Variants in HGS observed in about 807,000 individuals in gnomAD.
HGS encodes the protein hepatocyte growth factor-regulated tyrosine kinase substrate, also known as human growth factor-regulated tyrosine kinase substrate.
Under a neutral mutation model 109.7 loss-of-function variants are expected in HGS, and 63 were observed. That is an observed-to-expected ratio of 0.57 (90% CI 0.47 to 0.71). The LOEUF (loss-of-function observed/expected upper bound fraction) is 0.71. Ranked by LOEUF, HGS falls within the 30% of genes least tolerant of loss-of-function variation. The probability of loss-of-function intolerance (pLI) is 0.00; values close to 1 mark genes in which losing one functional copy is unlikely to be tolerated. For synonymous variants in HGS, 546 were observed against 437.3 expected (o/e 1.25, Z -3.10); for missense variants, 995 against 1,068.3 (o/e 0.93, Z 0.96).
In HGS at chr17:81,691,194, T is replaced by C. The variant is rs372172322; in HGVS notation, c.538-253T>C. Reference sequence around the variant, plus strand: ...AAAGCTCTTGTTTTATCAGCAGAATTGATGTGTATTTTTTCCTTGCCCTTA... The same window carrying C: ...AAAGCTCTTGTTTTATCAGCAGAATCGATGTGTATTTTTTCCTTGCCCTTA... On this transcript the variant is annotated intron_variant, in intron 7 of 21. Coordinates refer to ENST00000329138, the MANE Select transcript of HGS (RefSeq NM_004712.5). This position sits in a 1 kb window ranked among gnomAD's most constrained non-coding sequence, Gnocchi z 5.3. 13 of 518,408 alleles carry C rather than the reference T, an allele frequency of 2.5e-5. No individual in the cohort carries two copies. The highest frequency in any genetic ancestry group is 1.0e-4 in the East Asian group (3 of 29,954). The allele number at this position is 518,408 out of a possible 1,614,324, so 32.1% of individuals were successfully genotyped here.
Position 81,693,798 on chromosome 17 carries a change from C to T in HGS, c.840+46C>T, listed in dbSNP as rs762363855. ...CGGCCTCAGGAGGGGCCCAGCTCCCCTGGATGTGCTGCGGTGGGGCCGGAG... is the reference window on the plus strand; with the variant it reads ...CGGCCTCAGGAGGGGCCCAGCTCCCTTGGATGTGCTGCGGTGGGGCCGGAG... On this transcript the variant is annotated intron_variant, in intron 10 of 21. Transcript: ENST00000329138. The T allele has an allele frequency of 7.8e-6, 12 of 1,547,800 alleles. No individual in the cohort carries two copies. In the South Asian group the frequency reaches 8.3e-5, roughly 11 times the overall value.
intron 20 of HGS, 89 bp from the exon 21 acceptor site, chr17:81,700,956 G>T: frequency 6.5e-7 from 1 of 1,527,880 alleles, no homozygotes; most frequent in South Asian, 1.1e-5. Flanking sequence ...TGCTCCCTGT[G>T]GTCACCTTTG....
chr17:81,688,319 G>A (rs2037012661), intron 4 of HGS, among the ~76,000 whole-genome samples: 3 of 152,324 alleles, frequency 2.0e-5, no homozygotes, highest in Admixed American at 1.3e-4. Context: ...GAGGGGCGTG[G>A]CCAGAGCCCC....
intron 8 of HGS, 106 bp from the exon 9 acceptor site, chr17:81,693,397 C>T: frequency 1.2e-6 from 1 of 817,772 alleles, no homozygotes; most frequent in Non-Finnish European, 2.1e-6. Context: ...ACTGTCCTCA[C>T]TCTGTGGGGA....
chr17:81,690,941 C>CGG (rs1363242812), intron 7 of HGS, 199 bp downstream of exon 7: 1 of 545,314 alleles, frequency 1.8e-6, no homozygotes, highest in Non-Finnish European at 3.2e-6. Flanking sequence ...CTGCCTGGGC[C>CGG]GGGCCCAGCC....
intron 21 of HGS, 83 bp from the exon 22 acceptor site, chr17:81,701,425 C>A (rs2144509350): frequency 7.2e-7 from 1 of 1,396,384 alleles, no homozygotes; most frequent in South Asian, 1.3e-5. Flanking sequence ...ACTTGTGGGT[C>A]TGTGGCTCTG....
At position 81,691,712 on chromosome 17, in the gene HGS, C is replaced by A; in HGVS notation, c.662+141C>A. 1 of 1,129,568 alleles carries A rather than the reference C, an allele frequency of 8.9e-7. No homozygotes were observed. The highest frequency in any genetic ancestry group is 1.4e-5 in the South Asian group (1 of 71,110). The allele number at this position is 1,129,568 out of a possible 1,614,324, so 70.0% of individuals were successfully genotyped here. Reference sequence around the variant, plus strand: ...CAGCAGCTGGAAGGTCAAGGGAAACCCAGGGTGGCCGCATGCCCTCGGACC... The same window carrying A: ...CAGCAGCTGGAAGGTCAAGGGAAACACAGGGTGGCCGCATGCCCTCGGACC... On this transcript the variant is annotated intron_variant, in intron 8 of 21. Transcript: ENST00000329138. This position sits in a 1 kb window ranked among gnomAD's most constrained non-coding sequence, Gnocchi z 5.3.
At chr17:81,697,223 C>T (rs1051741334) in intron 18 of HGS, 15 of 491,158 alleles carry the variant, frequency 3.1e-5, no homozygotes, top group Non-Finnish European at 3.9e-5. Context: ...CCCCTGAATG[C>T]GACAGCGAGC....
At position 81,695,921 on chromosome 17, in the gene HGS, G is replaced by A; in HGVS notation, c.1315G>A (p.Val439Met). The A allele has an allele frequency of 1.2e-6, 2 of 1,604,502 alleles. No individual in the cohort carries two copies. The highest frequency in any genetic ancestry group is 8.5e-7 in the Non-Finnish European group (1 of 1,174,136). The change falls in exon 15 of 22, where the codon GTG becomes ATG. Residue 439 changes from valine to methionine, a missense_variant. Coordinates refer to ENST00000329138, the MANE Select transcript of HGS (RefSeq NM_004712.5). ...RGRSITNDSAVLSLFQSINGM... is the reference protein window; with the variant it reads ...RGRSITNDSAMLSLFQSINGM... ...CCGCAGCATCACCAATGACTCGGCC[G>A]TGCTCTCACTCTTCCAGTCCATCAA...
At chr17:81,684,853 A>G in intron 1 of HGS, 1 of 973,038 alleles carries the variant, frequency 1.0e-6, no homozygotes, top group Non-Finnish European at 1.2e-6. Flanking sequence ...TTCCTTGCCA[A>G]GGGAACCAGC....
In HGS at chr17:81,695,238, C is replaced by T; in HGVS notation, c.1179+15C>T. ...CCTTTAGTGAGGTAAGCTGTGGCTC[C>T]CTCCACGGGCCAGGGCAAAACATGG... On this transcript the variant is annotated intron_variant, in intron 14 of 21. Coordinates refer to ENST00000329138, the MANE Select transcript of HGS (RefSeq NM_004712.5). 1 of 1,613,492 alleles carries T rather than the reference C, an allele frequency of 6.2e-7. No individual in the cohort carries two copies. Among genetic ancestry groups the T allele is most frequent in the Non-Finnish European group, 8.5e-7 (1 of 1,179,386 alleles).
At chr17:81,698,697 G>A (rs775378432) in intron 18 of HGS, among the ~76,000 whole-genome samples, 26 of 152,206 alleles carry the variant, frequency 1.7e-4, no homozygotes, top group African/African-American at 5.8e-4. Context: ...GAGCTGGAAA[G>A]TGTGTATGTG....
chr17:81,701,428 T>G lies in HGS; in HGVS notation c.2224-80T>G. The stretch of plus-strand genomic sequence containing the variant: ...TGGATTACAAGCACTTGTGGGTCTG[T>G]GGCTCTGCTGGGACAAAAGCCTTCC... On this transcript the variant is annotated intron_variant, in intron 21 of 21. Transcript: ENST00000329138. 3 of 1,418,456 alleles carry G rather than the reference T, an allele frequency of 2.1e-6. No homozygotes were observed. The South Asian group carries it at 3.8e-5, about 18-fold the overall frequency. 87.9% of individuals were successfully genotyped at this position (1,418,456 alleles called of 1,614,324 possible). A position where few individuals can be genotyped will look rare whatever the true frequency, so the allele number is the denominator to read the frequency against.
chr17:81,701,235 T>C, intron 21 of HGS, 104 bp downstream of exon 21: 1 of 1,073,786 alleles, frequency 9.3e-7, no homozygotes, highest in Non-Finnish European at 1.4e-6. Flanking sequence ...CCCGTACGTC[T>C]GCTCACAGGG....
intron 1 of HGS, 141 bp from the exon 2 acceptor site, chr17:81,685,464 G>C (rs959079865): frequency 3.5e-6 from 2 of 575,118 alleles, no homozygotes; most frequent in Non-Finnish European, 6.1e-6. Context: ...GCACGCTCAG[G>C]AGGATTCTGT....
chr17:81,700,633 GCCAGCC>G (rs142478779), intron 19 of HGS, 33 bp downstream of exon 19: 119,417 of 1,576,512 alleles, frequency 0.076, 5,375 homozygotes, highest in East Asian at 0.25. Context: ...TCCTTCCAGG[GCCAGCC>G]CCAGCCCCAG....
intron 5 of HGS, among the ~76,000 whole-genome samples, chr17:81,689,357 C>T (rs933015488): frequency 6.6e-6 from 1 of 152,216 alleles, no homozygotes; most frequent in Non-Finnish European, 1.5e-5. Context: ...AGCAGGAGGC[C>T]TCTGGTGGGT....
chr17:81,693,632 C>A, intron 9 of HGS, 22 bp from the exon 10 acceptor site: 3 of 1,545,962 alleles, frequency 1.9e-6, no homozygotes, highest in Non-Finnish European at 2.6e-6. Context: ...CGCCCCCCCT[C>A]ACCCTCCCCG....
chr17:81,693,070 C>T (rs933169990), intron 8 of HGS: 3 of 172,148 alleles, frequency 1.7e-5, no homozygotes, highest in Non-Finnish European at 3.7e-5. Flanking sequence ...TTGGAAATTG[C>T]GACCATGCTG....
Sources: allele counts gnomAD v4.1 joint callset (sites outside exome capture counted in the v4.1 genomes callset), GRCh38; gene constraint gnomAD v4.1.1; non-coding constraint Gnocchi (gnomAD v3.1); transcripts MANE v1.5; gene names NCBI Gene and HGNC (gene_info 2026-07-23, HGNC 2026-07-21).